Variants in SNX29 observed in about 807,000 individuals in gnomAD.
SNX29 encodes sorting nexin 29, also known as sorting nexin-29.
SNX29 carries 78 observed loss-of-function variants against 102.1 expected under a neutral mutation model. The ratio of observed to expected loss-of-function variants is 0.76; its 90% CI spans 0.64 to 0.92. The LOEUF is 0.92. Among genes scored for constraint, SNX29 ranks in the 40% least tolerant of loss-of-function variants. The pLI is 0.00. For synonymous variants in SNX29, 580 were observed against 414.5 expected, an observed-to-expected ratio of 1.40 and a Z score of -4.85; for missense variants, 1,280 against 1,061.7, an observed-to-expected ratio of 1.21 and a Z score of -2.86.
intron 13 of SNX29, among the ~76,000 whole-genome samples, chr16:12,166,842 A>G (rs147367506): frequency 3.7e-4 from 56 of 152,274 alleles, no homozygotes; most frequent in African/African-American, 1.3e-3. Context: ...TAATATTGTG[A>G]ATTTAATAAC....
chr16:12,191,781 A>G (rs2076649383), intron 13 of SNX29, among the ~76,000 whole-genome samples: 1 of 152,192 alleles, frequency 6.6e-6, no homozygotes, highest in South Asian at 2.1e-4. Context: ...TGTGGCTGCA[A>G]ACACCACAAA....
chr16:12,065,558 G>T (rs1003799508), intron 9 of SNX29, among the ~76,000 whole-genome samples: 2 of 152,164 alleles, frequency 1.3e-5, no homozygotes, highest in Non-Finnish European at 2.9e-5. Flanking sequence ...TTGTCCTCAC[G>T]TTGGATCTTG....
intron 11 of SNX29, among the ~76,000 whole-genome samples, chr16:12,116,709 AAC>A (rs1421870207): frequency 1.3e-5 from 2 of 152,258 alleles, no homozygotes; most frequent in African/African-American, 4.8e-5. Context: ...TACATGCTTC[AAC>A]GTGGATGAAC....
chr16:12,044,012 C>G (rs977638348), intron 5 of SNX29, among the ~76,000 whole-genome samples: 1 of 152,190 alleles, frequency 6.6e-6, no homozygotes, highest in African/African-American at 2.4e-5. Context: ...CCTAGGCCTC[C>G]CAAAGTCCTG....
At chr16:12,458,734 G>T (rs1203508505) in intron 18 of SNX29, among the ~76,000 whole-genome samples, 3 of 152,110 alleles carry the variant, frequency 2.0e-5, no homozygotes, top group Non-Finnish European at 4.4e-5. Context: ...GTAGCCTTTG[G>T]AGTGTGTCGC....
chr16:12,269,789 A>C (rs1052359941), intron 14 of SNX29, among the ~76,000 whole-genome samples: 1 of 152,082 alleles, frequency 6.6e-6, no homozygotes, highest in African/African-American at 2.4e-5. Flanking sequence ...TTGGGGTATT[A>C]AATTGTCATT....
At chr16:12,537,142 GCTGGGACT>G (rs1254490583) in intron 20 of SNX29, among the ~76,000 whole-genome samples, 8 of 152,124 alleles carry the variant, frequency 5.3e-5, no homozygotes, top group Admixed American at 4.6e-4. Flanking sequence ...GATCTCAGAG[GCTGGGACT>G]CTGGGATCTT....
chr16:12,239,418 T>C (rs1000826581), intron 14 of SNX29, among the ~76,000 whole-genome samples: 1 of 152,066 alleles, frequency 6.6e-6, no homozygotes, highest in African/African-American at 2.4e-5. Flanking sequence ...CGTGAACTCC[T>C]TGAGGACAGG....
At chr16:12,006,274 G>A (rs969112852) in intron 3 of SNX29, among the ~76,000 whole-genome samples, 6 of 151,602 alleles carry the variant, frequency 4.0e-5, no homozygotes, top group Admixed American at 1.3e-4. Context: ...CCAGCACTTT[G>A]GGAGGCTGAG....
intron 11 of SNX29, among the ~76,000 whole-genome samples, chr16:12,085,381 C>A (rs761914561): frequency 1.0e-3 from 152 of 152,328 alleles, no homozygotes; most frequent in Non-Finnish European, 1.5e-3. Flanking sequence ...GGCTGGAATG[C>A]ACTGGTGTAA....
intron 20 of SNX29, among the ~76,000 whole-genome samples, chr16:12,527,561 C>G (rs748354699): frequency 9.2e-5 from 14 of 152,124 alleles, no homozygotes; most frequent in Non-Finnish European, 1.9e-4. Context: ...CTTTGTGTTT[C>G]ACAGCACCCA....
At chr16:12,518,285 A>T (rs1039625237) in intron 19 of SNX29, among the ~76,000 whole-genome samples, 2 of 152,164 alleles carry the variant, frequency 1.3e-5, no homozygotes, top group Non-Finnish European at 2.9e-5. Flanking sequence ...TCACTGGTCT[A>T]CGTGGCTCTG....
At chr16:12,467,586 C>T (rs779653665) in intron 18 of SNX29, among the ~76,000 whole-genome samples, 98 of 152,004 alleles carry the variant, frequency 6.4e-4, no homozygotes, top group Non-Finnish European at 1.3e-3. Context: ...CCACTCTGAC[C>T]TGTTCGTTCA....
intron 20 of SNX29, among the ~76,000 whole-genome samples, chr16:12,562,630 G>A (rs976198911): frequency 6.6e-6 from 1 of 152,190 alleles, no homozygotes; most frequent in African/African-American, 2.4e-5. Context: ...CAGGCTATCA[G>A]GGTCTTCCCT....
chr16:12,048,959 A>T (rs1286207431), intron 7 of SNX29, among the ~76,000 whole-genome samples: 1 of 152,224 alleles, frequency 6.6e-6, no homozygotes, highest in Non-Finnish European at 1.5e-5. Flanking sequence ...CGGTGAGCCG[A>T]ATAGGAAAGA....
intron 20 of SNX29, chr16:12,560,909 T>C (rs1032725250): frequency 2.5e-5 from 5 of 196,806 alleles, no homozygotes; most frequent in Non-Finnish European, 4.2e-5. Context: ...TTTTAATCCT[T>C]TTAAAATAAA....
rs190352481 is a variant in SNX29 at position 12,568,650 on chromosome 16, C to A, written c.*21C>A. The A allele has an allele frequency of 6.3e-7, 1 of 1,599,768 alleles. No individual in the cohort carries two copies. The highest frequency in any genetic ancestry group is 8.5e-7 in the Non-Finnish European group (1 of 1,179,350). ...TCTGACCTCGACAAAACCGCAGCCA[C>A]GGGCCCTGTGCGTGGCACCAGCTGC... is the stretch of plus-strand genomic sequence containing the variant. On this transcript the variant is annotated 3_prime_UTR_variant, in exon 21 of 21. Coordinates refer to ENST00000566228, the MANE Select transcript of SNX29 (RefSeq NM_032167.5).
At chr16:12,292,335 C>G (rs2079826470) in intron 15 of SNX29, among the ~76,000 whole-genome samples, 1 of 152,174 alleles carries the variant, frequency 6.6e-6, no homozygotes, top group Non-Finnish European at 1.5e-5. Flanking sequence ...GTTTCAGATG[C>G]TACAATTAAT....
chr16:12,114,994 A>G (rs953299285), intron 11 of SNX29, among the ~76,000 whole-genome samples: 3 of 152,100 alleles, frequency 2.0e-5, no homozygotes, highest in East Asian at 1.9e-4. Context: ...AGCAGTTGCT[A>G]TTAGGAACAC....
Sources: gnomAD v4.1 joint callset for allele counts (sites outside exome capture counted in the v4.1 genomes callset) on GRCh38, gnomAD v4.1.1 for gene constraint, MANE v1.5 for transcripts, NCBI Gene and HGNC (gene_info 2026-07-23, HGNC 2026-07-21) for gene names.